The following CENPI variants were observed in gnomAD, a reference collection of about 807,000 sequenced individuals.
CENPI encodes the protein centromere protein I.
A neutral mutation model predicts 60.4 loss-of-function variants in CENPI; 4 were observed. The observed-to-expected ratio is 0.07, with a 90% CI of 0.03 to 0.15. The LOEUF is 0.15. CENPI is among the 10% of genes least tolerant of loss of function. The probability of loss-of-function intolerance (pLI) is 1.00; values close to 1 mark genes in which losing one functional copy is unlikely to be tolerated. For missense variants in CENPI, 444 were observed against 534.5 expected (o/e 0.83, Z 1.67); for synonymous variants, 157 against 189.4 (o/e 0.83, Z 1.40).
chrX:101,126,841 T>C, intron 9 of CENPI, 43 bp downstream of exon 9: 5 of 1,039,952 alleles, frequency 4.8e-6, no homozygotes, highest in Non-Finnish European at 6.7e-6. Flanking sequence ...GATTGAAATA[T>C]GTTATTTTTG....
the CENPI span, among the ~76,000 whole-genome samples, chrX:101,179,799 C>T: frequency 3.6e-5 from 4 of 112,674 alleles, no homozygotes; most frequent in Non-Finnish European, 7.5e-5. Context: ...GGATTACAGG[C>T]GTGAGCCACT....
At chrX:101,175,994 A>G in the CENPI span, among the ~76,000 whole-genome samples, 1 of 111,359 alleles carries the variant, frequency 9.0e-6, no homozygotes, top group East Asian at 2.8e-4. Context: ...CTCTACCTCC[A>G]TAAGGTCAAC....
intron 6 of CENPI, among the ~76,000 whole-genome samples, chrX:101,116,930 A>G (rs1403812972): frequency 9.0e-6 from 1 of 111,506 alleles, no homozygotes; most frequent in Non-Finnish European, 1.9e-5. Context: ...TTTCCCTGAT[A>G]ACTAATGATA....
the CENPI span, among the ~76,000 whole-genome samples, chrX:101,178,309 G>C: frequency 2.8e-5 from 3 of 108,258 alleles, no homozygotes. Flanking sequence ...TGCTACTTTG[G>C]TTCTTTGTGA....
chrX:101,138,211 C>G (rs1201501135), intron 15 of CENPI, among the ~76,000 whole-genome samples: 1 of 106,335 alleles, frequency 9.4e-6, no homozygotes, highest in African/African-American at 3.4e-5. Context: ...TGGTCTCGAA[C>G]TCCTGGCCTC....
At position 101,158,208 on chromosome X, in the gene CENPI, G is replaced by A. The variant is rs771205534; in HGVS notation, c.2095-3320G>A. ...TTTCTTTATCCATTCATCTGTTGAT[G>A]GATACGTTATTGTTAGTTTAACAAG... On this transcript the variant is annotated intron_variant, in intron 20 of 21. Transcript: ENST00000682095. 2.7e-5 allele frequency among the ~76,000 whole-genome samples: 3 copies of A among 109,598 alleles called. No homozygotes were observed. The East Asian group carries it at 8.5e-4, about 31-fold the overall frequency.
At chrX:101,151,873 A>G (rs752234235) in intron 20 of CENPI, among the ~76,000 whole-genome samples, 1 of 109,334 alleles carries the variant, frequency 9.1e-6, no homozygotes, top group African/African-American at 3.3e-5. Flanking sequence ...ACAACAAAAA[A>G]CAAATATACA....
chrX:101,147,785 G>A lies in CENPI; in HGVS notation c.1849G>A (p.Ala617Thr), dbSNP rs761693180. The A allele has an allele frequency of 8.3e-6, 10 of 1,202,543 alleles. No homozygotes were observed. The highest frequency in any genetic ancestry group is 1.8e-5 in the African/African-American group (1 of 56,906). Reference sequence around the variant, plus strand: ...TAGATATCGTAAAAATTTGACTGCCGCAAAGAAAAATGAGTTGGTACAAAA... The same window carrying A: ...TAGATATCGTAAAAATTTGACTGCCACAAAGAAAAATGAGTTGGTACAAAA... ...MHRYRKNLTA[A>T]KKNELVQKTK... Residue 617 changes from alanine to threonine, a missense_variant, in exon 19 of 22, where the codon GCA becomes ACA. By Grantham distance (58) the Ala-to-Thr change is moderately conservative. Transcript: ENST00000682095.
At chrX:101,172,886 TATACTC>T in the CENPI span, among the ~76,000 whole-genome samples, 3 of 111,281 alleles carry the variant, frequency 2.7e-5, no homozygotes, top group African/African-American at 6.5e-5. Flanking sequence ...TTAGAAAAAT[TATACTC>T]ATAAAATCAT....
Position 101,127,579 on chromosome X carries a change from T to C in CENPI, c.988T>C (p.Ser330Pro). ...KECGKKEMSL[S>P]DCLNRSGSFP... The stretch of plus-strand genomic sequence containing the variant: ...ATGTGGAAAAAAAGAGATGAGTCTT[T>C]CTGATTGTCTGAATAGAAGTGGATC... Residue 330 changes from serine (S) to proline (P), a missense_variant, in exon 11 of 22, where the codon TCT (serine) becomes CCT (proline). Coordinates refer to ENST00000682095, the MANE Select transcript of CENPI (RefSeq NM_001386188.2). 1.7e-6 allele frequency: 2 copies of C among 1,196,321 alleles called. No individual in the cohort carries two copies. The highest frequency in any genetic ancestry group is 2.3e-6 in the Non-Finnish European group (2 of 883,910).
chrX:101,109,442 T>C lies in CENPI; in HGVS notation c.365-31T>C, dbSNP rs764467330. 2.4e-5 allele frequency: 25 copies of C among 1,024,079 alleles called. No homozygotes were observed. The South Asian group carries it at 4.8e-4, about 20-fold the overall frequency. The allele number at this position is 1,024,079 out of a possible 1,213,427, so 84.4% of individuals were successfully genotyped here. ...TAAAAGAACAATCGAGACACTAAAA[T>C]GTAGTTTAATTTAGCTTGTCTCCTT... On this transcript the variant is annotated intron_variant, in intron 4 of 21. Transcript: ENST00000682095.
intron 4 of CENPI, 74 bp downstream of exon 4, chrX:101,102,485 T>A (rs1206813524): frequency 8.2e-6 from 3 of 364,537 alleles, no homozygotes; most frequent in Non-Finnish European, 1.4e-5. Context: ...AAAATAAATC[T>A]TATATATATA....
chrX:101,119,715 A>G (rs998897106), intron 6 of CENPI, among the ~76,000 whole-genome samples: 7 of 112,452 alleles, frequency 6.2e-5, no homozygotes, highest in African/African-American at 2.3e-4. Context: ...CTGTTTGCCA[A>G]ACTGAAGACT....
chrX:101,108,487 C>T lies in CENPI; in HGVS notation c.365-986C>T, dbSNP rs150256762. ...CTTAGATTATAGGCATGTGTCACCA[C>T]GCTCGGCCCCAAATTCAGCATTTTT... On this transcript the variant is annotated intron_variant, in intron 4 of 21. Transcript: ENST00000682095. Among the ~76,000 whole-genome samples, 140 of 110,321 alleles carry T rather than the reference C, an allele frequency of 1.3e-3. No homozygotes were observed. The East Asian group carries it at 0.031, about 24-fold the overall frequency.
the CENPI span, among the ~76,000 whole-genome samples, chrX:101,178,398 C>CTTTTTTT: frequency 0.034 from 1,372 of 39,909 alleles, 171 homozygotes; most frequent in Non-Finnish European, 0.047. Flanking sequence ...TTTTCTTCTT[C>CTTTTTTT]TTTTTTTTTT....
At position 101,148,177 on chromosome X, in the gene CENPI, G is replaced by T. The variant is rs927339479; in HGVS notation, c.2094+16G>T. On this transcript the variant is annotated intron_variant, in intron 20 of 21. Coordinates refer to ENST00000682095, the MANE Select transcript of CENPI (RefSeq NM_001386188.2). ...TTTGCTACAGGTAAGGGTATTTAAAGAATTTTTAGATTTTGTATCTTAATA... is the reference window on the plus strand; with the variant it reads ...TTTGCTACAGGTAAGGGTATTTAAATAATTTTTAGATTTTGTATCTTAATA... 3 of 1,146,478 alleles carry T rather than the reference G, an allele frequency of 2.6e-6. No individual in the cohort carries two copies. Among genetic ancestry groups the T allele is most frequent in the Middle Eastern group, 2.6e-4 (1 of 3,866 alleles). The allele number at this position is 1,146,478 out of a possible 1,213,427, so 94.5% of individuals were successfully genotyped here.
At chrX:101,162,473 A>AAAAAAATATATATATATATATATATATAT (rs1303045267) in intron 21 of CENPI, among the ~76,000 whole-genome samples, 1 of 68,129 alleles carries the variant, frequency 1.5e-5, no homozygotes, top group African/African-American at 6.9e-5. Context: ...AAAAAAAAAA[A>AAAAAAATATATATATATATATATATATAT]ATATATATAT....
chrX:101,150,984 A>G (rs1007556646), intron 20 of CENPI, among the ~76,000 whole-genome samples: 15 of 110,513 alleles, frequency 1.4e-4, no homozygotes, highest in African/African-American at 4.3e-4. Context: ...GTGCCTGGTT[A>G]TCTTTGACGA....
intron 16 of CENPI, among the ~76,000 whole-genome samples, chrX:101,144,679 G>A (rs1205839407): frequency 9.0e-6 from 1 of 111,082 alleles, no homozygotes; most frequent in East Asian, 2.8e-4. Flanking sequence ...CACTCTGCCC[G>A]GCCCTGAATT....
Sources: allele counts gnomAD v4.1 joint callset (sites outside exome capture counted in the v4.1 genomes callset), GRCh38; gene constraint gnomAD v4.1.1; transcripts MANE v1.5; gene names NCBI Gene and HGNC (gene_info 2026-07-23, HGNC 2026-07-21).